Variants in MYO18B observed in about 807,000 individuals in gnomAD.
MYO18B encodes the protein myosin XVIIIB.
MYO18B carries 204 observed loss-of-function variants against 273.0 expected under a neutral mutation model. That is an observed-to-expected ratio of 0.75 (90% CI 0.67 to 0.84). The LOEUF (loss-of-function observed/expected upper bound fraction) is 0.84, where lower values mean the gene tolerates loss of function less well. Among genes scored for constraint, MYO18B ranks in the 40% least tolerant of loss-of-function variants. The pLI is 0.00. For missense variants in MYO18B, 3,212 were observed against 3,287.6 expected, an observed-to-expected ratio of 0.98 and a Z score of 0.56; for synonymous variants, 1,330 against 1,305.7, an observed-to-expected ratio of 1.02 and a Z score of -0.40.
chr22:25,877,950 T>C lies in MYO18B; in HGVS notation c.4225-9T>C, dbSNP rs751096874. ...GGAATGGTTTCTGTTCATGTGTTTG[T>C]TTTTGTAGGAGGAGCTTACAACGCT... On this transcript the variant is annotated splice_polypyrimidine_tract_variant and intron_variant, in intron 24 of 43. Transcript: ENST00000335473. 1 of 1,564,710 alleles carries C rather than the reference T, an allele frequency of 6.4e-7. No homozygotes were observed. Among genetic ancestry groups the C allele is most frequent in the Non-Finnish European group, 8.7e-7 (1 of 1,154,052 alleles).
At chr22:25,956,533 A>G (rs913097736) in intron 39 of MYO18B, among the ~76,000 whole-genome samples, 9 of 152,138 alleles carry the variant, frequency 5.9e-5, no homozygotes, top group African/African-American at 1.9e-4. Context: ...ACATTTTAAA[A>G]TTTGTTTCTT....
At chr22:25,911,901 T>G (rs1165789612) in intron 33 of MYO18B, among the ~76,000 whole-genome samples, 1 of 152,240 alleles carries the variant, frequency 6.6e-6, no homozygotes, top group Non-Finnish European at 1.5e-5. Flanking sequence ...GTGCTGCTGC[T>G]GCATGAAATC....
At chr22:25,978,845 T>G in intron 39 of MYO18B, among the ~76,000 whole-genome samples, 1 of 152,046 alleles carries the variant, frequency 6.6e-6, no homozygotes, top group African/African-American at 2.4e-5. Flanking sequence ...TCCCATCTAC[T>G]CGGGTGGCTG....
chr22:26,014,202 T>C (rs1366239087), intron 42 of MYO18B, among the ~76,000 whole-genome samples: 1 of 152,200 alleles, frequency 6.6e-6, no homozygotes, highest in African/African-American at 2.4e-5. Context: ...CATTGTGGTG[T>C]GAGGTAGGGC....
intron 1 of MYO18B, among the ~76,000 whole-genome samples, chr22:25,759,032 G>T (rs1234674834): frequency 6.6e-6 from 1 of 152,086 alleles, no homozygotes; most frequent in East Asian, 1.9e-4. Flanking sequence ...GGGATTACAG[G>T]CGTGAGCCAC....
At chr22:26,039,288 C>T in the MYO18B span, among the ~76,000 whole-genome samples, 120 of 152,318 alleles carry the variant, frequency 7.9e-4, 1 homozygote, top group African/African-American at 2.6e-3. Context: ...TGGTCTCTAC[C>T]TGTCTTGCCT....
chr22:25,763,165 T>G, intron 2 of MYO18B, 66 bp from the exon 3 acceptor site: 1 of 1,603,208 alleles, frequency 6.2e-7, no homozygotes, highest in Non-Finnish European at 8.5e-7. Flanking sequence ...TCACAAACTT[T>G]GAAGGGCAGC....
intron 33 of MYO18B, among the ~76,000 whole-genome samples, chr22:25,914,755 G>A (rs546649117): frequency 9.7e-5 from 12 of 123,724 alleles, no homozygotes; most frequent in African/African-American, 3.1e-4. Flanking sequence ...GAAGTGCAGC[G>A]GCGCGATCTC....
intron 21 of MYO18B, among the ~76,000 whole-genome samples, chr22:25,863,202 A>T (rs1342154234): frequency 1.3e-5 from 2 of 152,174 alleles, no homozygotes; most frequent in Non-Finnish European, 2.9e-5. Flanking sequence ...GACATTTTTT[A>T]TTTAAGGAGT....
intron 20 of MYO18B, among the ~76,000 whole-genome samples, chr22:25,849,162 T>C (rs1328924128): frequency 3.3e-5 from 5 of 152,310 alleles, no homozygotes; most frequent in South Asian, 2.1e-4. Flanking sequence ...GCAGGCACCA[T>C]GGGCCTGGGT....
At chr22:25,855,376 C>T (rs189106685) in intron 21 of MYO18B, among the ~76,000 whole-genome samples, 17 of 151,726 alleles carry the variant, frequency 1.1e-4, no homozygotes, top group African/African-American at 2.9e-4. Context: ...CTCTGCCTCC[C>T]GGGTTCACAC....
rs1439671689 is a variant in MYO18B at position 25,956,309 on chromosome 22, AG to A, written c.6156+947del. On this transcript the variant is annotated intron_variant, in intron 39 of 43. Transcript: ENST00000335473. ...CAGCTCACTATAATCTCCATCTCCC[AG>A]GTTCAAGCGATTCTCGTGGCTCAGC... 1.1e-4 allele frequency among the ~76,000 whole-genome samples: 17 copies of A among 150,520 alleles called. No homozygotes were observed. The South Asian group carries it at 3.4e-3, about 30-fold the overall frequency.
intron 14 of MYO18B, 69 bp downstream of exon 14, chr22:25,826,568 C>A: frequency 2.1e-6 from 3 of 1,411,508 alleles, no homozygotes; most frequent in South Asian, 2.4e-5. Context: ...ACATACCGGG[C>A]AGTTGAACAA....
intron 39 of MYO18B, among the ~76,000 whole-genome samples, chr22:25,972,528 A>G (rs1183173796): frequency 1.3e-5 from 2 of 152,208 alleles, no homozygotes; most frequent in Non-Finnish European, 2.9e-5. Context: ...TCAGCCCCAC[A>G]CCTTTGAGTC....
chr22:26,026,737 G>A lies in MYO18B; in HGVS notation c.6763G>A (p.Glu2255Lys), dbSNP rs745351059. Residue 2255 changes from glutamate (E) to lysine (K), a missense_variant, in exon 43 of 44, where the codon GAA becomes AAA. By Grantham distance (56) the Glu-to-Lys change is moderately conservative. Transcript: ENST00000335473. Reference protein sequence around the residue: ...SPSAALSEFVEGLRRKRAQRG... With the variant: ...SPSAALSEFVKGLRRKRAQRG... ...TTCAGCGGCCCTCTCGGAGTTCGTG[G>A]AAGGGCTCCGGAGGAAGAGAGCCCA... 2.5e-6 allele frequency: 4 copies of A among 1,613,338 alleles called. No homozygotes were observed. In the South Asian group the frequency reaches 3.3e-5, roughly 13 times the overall value.
At chr22:25,852,871 CAT>C (rs1370343695) in intron 21 of MYO18B, among the ~76,000 whole-genome samples, 2 of 152,194 alleles carry the variant, frequency 1.3e-5, no homozygotes, top group African/African-American at 4.8e-5. Flanking sequence ...TCAGTTTCCT[CAT>C]GTGTAAAGTG....
At chr22:25,767,605 C>T (rs2145576867) in intron 3 of MYO18B, among the ~76,000 whole-genome samples, 1 of 152,254 alleles carries the variant, frequency 6.6e-6, no homozygotes, top group Non-Finnish European at 1.5e-5. Flanking sequence ...GAGAACAGGT[C>T]CTCTAGTGAC....
At chr22:25,918,693 C>T (rs1171621613) in intron 33 of MYO18B, among the ~76,000 whole-genome samples, 2 of 152,170 alleles carry the variant, frequency 1.3e-5, no homozygotes, top group Admixed American at 1.3e-4. Flanking sequence ...TGGTCAGTGT[C>T]AACATCAGGG....
chr22:25,947,607 C>T, intron 35 of MYO18B, 105 bp from the exon 36 acceptor site: 1 of 726,686 alleles, frequency 1.4e-6, no homozygotes, highest in Non-Finnish European at 2.4e-6. Flanking sequence ...GATGGTCACT[C>T]ACCTCACACA....
Sources: gnomAD v4.1 joint callset for allele counts (sites outside exome capture counted in the v4.1 genomes callset) on GRCh38, gnomAD v4.1.1 for gene constraint, MANE v1.5 for transcripts, NCBI Gene and HGNC (gene_info 2026-07-23, HGNC 2026-07-21) for gene names.